The following AUTS2 variants were observed in gnomAD, a reference collection of about 807,000 sequenced individuals.
AUTS2 encodes autism susceptibility gene 2 protein.
A neutral mutation model predicts 112.4 loss-of-function variants in AUTS2; 17 were observed. The ratio of observed to expected loss-of-function variants is 0.15; its 90% CI spans 0.10 to 0.23. AUTS2 has a LOEUF of 0.23. AUTS2 is among the 10% of genes least tolerant of loss of function. The pLI, the probability that AUTS2 is intolerant of heterozygous loss-of-function variation, is 1.00. For missense variants in AUTS2, 1,510 were observed against 1,701.6 expected, an observed-to-expected ratio of 0.89 and a Z score of 1.98; for synonymous variants, 751 against 702.7, an observed-to-expected ratio of 1.07 and a Z score of -1.09.
At chr7:70,499,141 A>C (rs1375592534) in intron 5 of AUTS2, among the ~76,000 whole-genome samples, 1 of 152,202 alleles carries the variant, frequency 6.6e-6, no homozygotes, top group Non-Finnish European at 1.5e-5. Context: ...CGGGATGCTT[A>C]CAGTCTCACG....
At chr7:70,756,827 G>A (rs1404353380) in intron 6 of AUTS2, among the ~76,000 whole-genome samples, 1 of 152,156 alleles carries the variant, frequency 6.6e-6, no homozygotes, top group Admixed American at 6.5e-5. Flanking sequence ...AAAAATCAGC[G>A]TATATTAAAA....
intron 5 of AUTS2, among the ~76,000 whole-genome samples, chr7:70,451,820 A>G (rs1796546598): frequency 6.6e-6 from 1 of 152,168 alleles, no homozygotes; most frequent in South Asian, 2.1e-4. Context: ...TGGACCAAAC[A>G]GTAACTCACT....
intron 2 of AUTS2, among the ~76,000 whole-genome samples, chr7:69,959,368 T>A (rs943228175): frequency 3.9e-5 from 6 of 152,300 alleles, no homozygotes; most frequent in African/African-American, 1.4e-4. Flanking sequence ...GGAAGTTTTA[T>A]TTTTCTCATT....
At position 70,234,457 on chromosome 7, in the gene AUTS2, A is replaced by G. The variant is rs138720233; in HGVS notation, c.660+99886A>G. The stretch of plus-strand genomic sequence containing the variant: ...CCTCTACCAAATAGTAATAATTGCA[A>G]ACATTTATTGCATGTTTATGTGTGT... On this transcript the variant is annotated intron_variant, in intron 4 of 18. Transcript: ENST00000342771. 1.5e-3 allele frequency among the ~76,000 whole-genome samples: 229 copies of G among 152,264 alleles called. 1 individual carries two copies. Among genetic ancestry groups the G allele is most frequent in the African/African-American group, 4.6e-3 (192 of 41,550 alleles).
At chr7:70,101,305 A>C (rs914951914) in intron 2 of AUTS2, among the ~76,000 whole-genome samples, 3 of 152,084 alleles carry the variant, frequency 2.0e-5, no homozygotes, top group African/African-American at 7.2e-5. Flanking sequence ...TTTTTCTATA[A>C]AACCAAATTC....
At chr7:70,669,698 G>C (rs1185777226) in intron 5 of AUTS2, among the ~76,000 whole-genome samples, 1 of 152,210 alleles carries the variant, frequency 6.6e-6, no homozygotes, top group Non-Finnish European at 1.5e-5. Flanking sequence ...TCCATTTCTT[G>C]TCTCTCCTTT....
Position 70,701,504 on chromosome 7 carries a change from G to A in AUTS2, c.742+2884G>A, listed in dbSNP as rs536324015. Among the ~76,000 whole-genome samples, 4 of 152,308 alleles carry A rather than the reference G, an allele frequency of 2.6e-5. No homozygotes were observed. The East Asian group carries it at 5.8e-4, about 22-fold the overall frequency. On this transcript the variant is annotated intron_variant, in intron 6 of 18. Coordinates refer to ENST00000342771, the MANE Select transcript of AUTS2 (RefSeq NM_015570.4). ...ATACAGTGAGTATATTTTATATCAC[G>A]TTTGTTCATCGATTTTATTTTGACT... is the stretch of plus-strand genomic sequence containing the variant.
At chr7:69,997,716 AT>A (rs917179975) in intron 2 of AUTS2, among the ~76,000 whole-genome samples, 14 of 152,128 alleles carry the variant, frequency 9.2e-5, no homozygotes, top group Admixed American at 5.9e-4. Flanking sequence ...TAACTCACTC[AT>A]TCCCCCTGGA....
Position 70,190,589 on chromosome 7 carries a change from T to G in AUTS2, c.660+56018T>G, listed in dbSNP as rs1809828234. ...TTTGAGTAACAGGATTAACTATCAT[T>G]AGACAGTGCATTCGGGTAAGGTGAT... On this transcript the variant is annotated intron_variant, in intron 4 of 18. Coordinates refer to ENST00000342771, the MANE Select transcript of AUTS2 (RefSeq NM_015570.4). Among the ~76,000 whole-genome samples, 3 of 152,304 alleles carry G rather than the reference T, an allele frequency of 2.0e-5. No homozygotes were observed. In the South Asian group the frequency reaches 6.2e-4, roughly 32 times the overall value.
chr7:69,727,581 C>G (rs544592498), intron 1 of AUTS2, among the ~76,000 whole-genome samples: 372 of 152,200 alleles, frequency 2.4e-3, no homozygotes, highest in Non-Finnish European at 4.5e-3. Context: ...CAGAGTGAGA[C>G]TCCACCTCAA....
chr7:69,710,979 T>G (rs994140339), intron 1 of AUTS2, among the ~76,000 whole-genome samples: 2 of 152,184 alleles, frequency 1.3e-5, no homozygotes, highest in African/African-American at 4.8e-5. Flanking sequence ...GTGCTTTGCG[T>G]GTCGTGTCTT....
chr7:70,329,987 A>T (rs569925673), intron 4 of AUTS2, among the ~76,000 whole-genome samples: 1 of 152,276 alleles, frequency 6.6e-6, no homozygotes, highest in Admixed American at 6.5e-5. Context: ...CTCTGTGTGA[A>T]GCCTCTTGTA....
At chr7:70,488,059 C>T (rs1798084892) in intron 5 of AUTS2, among the ~76,000 whole-genome samples, 1 of 152,190 alleles carries the variant, frequency 6.6e-6, no homozygotes, top group South Asian at 2.1e-4. Flanking sequence ...CCACGGGCAC[C>T]GCCCTTCGAG....
intron 5 of AUTS2, among the ~76,000 whole-genome samples, chr7:70,601,891 T>C (rs1803490533): frequency 6.6e-6 from 1 of 152,150 alleles, no homozygotes. Flanking sequence ...TTGTAAAGAC[T>C]GATTATAATA....
intron 5 of AUTS2, among the ~76,000 whole-genome samples, chr7:70,696,559 G>T (rs1348582186): frequency 2.0e-5 from 3 of 152,152 alleles, no homozygotes; most frequent in African/African-American, 7.2e-5. Flanking sequence ...GCATCCTCAA[G>T]TTTGGTTCAG....
intron 5 of AUTS2, among the ~76,000 whole-genome samples, chr7:70,548,703 G>C (rs1256796322): frequency 1.3e-5 from 2 of 152,008 alleles, no homozygotes; most frequent in African/African-American, 4.8e-5. Flanking sequence ...AAAAATCATA[G>C]ACAATAAATA....
intron 5 of AUTS2, among the ~76,000 whole-genome samples, chr7:70,563,091 T>C (rs1801557097): frequency 6.6e-6 from 1 of 152,072 alleles, no homozygotes. Context: ...AGTGGAGCTA[T>C]GTAAAGATGG....
intron 1 of AUTS2, chr7:69,663,325 T>A (rs1795886873): frequency 6.6e-6 from 1 of 152,104 alleles, no homozygotes; most frequent in African/African-American, 2.4e-5. Context: ...GCAGAGAATT[T>A]TTTTTTTTGG....
chr7:70,240,565 T>C lies in AUTS2; in HGVS notation c.660+105994T>C, dbSNP rs183022052. Among the ~76,000 whole-genome samples, 35 of 152,338 alleles carry C rather than the reference T, an allele frequency of 2.3e-4. 1 individual carries two copies. Among genetic ancestry groups the C allele is most frequent in the Admixed American group, 9.8e-4 (15 of 15,304 alleles). On this transcript the variant is annotated intron_variant, in intron 4 of 18. Transcript: ENST00000342771. Reference sequence around the variant, plus strand: ...ACTAACATCTTTCCAGAAACCATTCTTCTTTATGTTGGTTTTGGCCCTTTG... The same window carrying C: ...ACTAACATCTTTCCAGAAACCATTCCTCTTTATGTTGGTTTTGGCCCTTTG...
Sources: allele counts gnomAD v4.1 joint callset (sites outside exome capture counted in the v4.1 genomes callset), GRCh38; gene constraint gnomAD v4.1.1; transcripts MANE v1.5; gene names NCBI Gene and HGNC (gene_info 2026-07-23, HGNC 2026-07-21).